RPS6KC1: variants seen among roughly 807,000 people sequenced by gnomAD.
RPS6KC1 encodes the protein inactive ribosomal protein S6 kinase delta-1.
RPS6KC1 carries 54 observed loss-of-function variants against 103.8 expected under a neutral mutation model. The ratio of observed to expected loss-of-function variants is 0.52; its 90% CI spans 0.42 to 0.65. The LOEUF (loss-of-function observed/expected upper bound fraction) is 0.65. Ranked by LOEUF, RPS6KC1 falls within the 30% of genes least tolerant of loss-of-function variation. The pLI, the probability that RPS6KC1 is intolerant of heterozygous loss-of-function variation, is 0.00. For synonymous variants in RPS6KC1, 439 were observed against 438.7 expected (o/e 1.00, Z -0.01); for missense variants, 1,151 against 1,253.8 (o/e 0.92, Z 1.24).
chr1:213,449,217 G>A, the RPS6KC1 span, among the ~76,000 whole-genome samples: 3 of 144,568 alleles, frequency 2.1e-5, no homozygotes, highest in South Asian at 5.1e-4. Context: ...TCTGGGACCC[G>A]CCCCACCAAG....
the RPS6KC1 span, among the ~76,000 whole-genome samples, chr1:213,462,457 A>G: frequency 6.6e-6 from 1 of 152,228 alleles, no homozygotes; most frequent in Non-Finnish European, 1.5e-5. Context: ...ATGCACACGT[A>G]TGTTTATTGC....
chr1:213,195,378 CAATG>C (rs769504642), intron 8 of RPS6KC1, among the ~76,000 whole-genome samples: 3 of 152,142 alleles, frequency 2.0e-5, no homozygotes, highest in Non-Finnish European at 2.9e-5. Context: ...ATTTTCTGTA[CAATG>C]TTTGCAACTT....
At chr1:213,696,594 A>G in the RPS6KC1 span, among the ~76,000 whole-genome samples, 27 of 152,028 alleles carry the variant, frequency 1.8e-4, no homozygotes, top group Middle Eastern at 3.2e-3. Context: ...GAAAGTGTCC[A>G]GTCTGTGACT....
At chr1:213,852,309 C>T in the RPS6KC1 span, among the ~76,000 whole-genome samples, 2 of 152,226 alleles carry the variant, frequency 1.3e-5, no homozygotes, top group Admixed American at 1.3e-4. Flanking sequence ...GTGTTCTTGT[C>T]GCAGAAAATT....
chr1:213,672,077 C>T, the RPS6KC1 span, among the ~76,000 whole-genome samples: 1 of 152,132 alleles, frequency 6.6e-6, no homozygotes, highest in Non-Finnish European at 1.5e-5. Flanking sequence ...ATAGGTTGTT[C>T]CTTCTCTTCC....
intron 8 of RPS6KC1, among the ~76,000 whole-genome samples, chr1:213,187,526 A>C (rs1052446175): frequency 1.4e-4 from 22 of 152,050 alleles, no homozygotes; most frequent in African/African-American, 4.8e-4. Context: ...AATTATAGGC[A>C]TGAGCCACTG....
chr1:213,068,720 A>C lies in RPS6KC1; in HGVS notation c.106-2286A>C, dbSNP rs116698921. ...TAACCACATGTAGCTATTTTGATTT[A>C]AATTTAAATTAAGGCTTACAGTGGT... On this transcript the variant is annotated intron_variant, in intron 1 of 14. Coordinates refer to ENST00000366960, the MANE Select transcript of RPS6KC1 (RefSeq NM_012424.6). 3.6e-3 allele frequency among the ~76,000 whole-genome samples: 551 copies of C among 151,918 alleles called. 5 individuals carry two copies. The highest frequency in any genetic ancestry group is 0.012 in the African/African-American group (492 of 41,444).
chr1:213,464,955 T>C, the RPS6KC1 span, among the ~76,000 whole-genome samples: 1 of 152,082 alleles, frequency 6.6e-6, no homozygotes, highest in African/African-American at 2.4e-5. Context: ...AGTCCTTCTT[T>C]AGGCATTGCC....
the RPS6KC1 span, among the ~76,000 whole-genome samples, chr1:213,491,912 T>C: frequency 2.0e-5 from 3 of 151,976 alleles, no homozygotes; most frequent in Admixed American, 1.3e-4. Context: ...AGGGGGAAGG[T>C]GTTAAATGGA....
At chr1:213,532,075 A>G in the RPS6KC1 span, among the ~76,000 whole-genome samples, 119,361 of 152,122 alleles carry the variant, frequency 0.78, 47,980 homozygotes, top group East Asian at 0.98. Flanking sequence ...TGCCAGGGCT[A>G]GCAGCGCTTA....
chr1:213,671,087 G>A, the RPS6KC1 span, among the ~76,000 whole-genome samples: 8,713 of 152,210 alleles, frequency 0.057, 329 homozygotes, highest in African/African-American at 0.11. Context: ...CACAGCACTC[G>A]GTTCCAACCA....
the RPS6KC1 span, among the ~76,000 whole-genome samples, chr1:213,299,570 A>AT: frequency 5.1e-3 from 774 of 151,174 alleles, 5 homozygotes; most frequent in African/African-American, 0.018. Flanking sequence ...AAAAAAAAAA[A>AT]ATATGTCGTG....
At chr1:213,532,456 G>T in the RPS6KC1 span, among the ~76,000 whole-genome samples, 1 of 152,172 alleles carries the variant, frequency 6.6e-6, no homozygotes, top group Admixed American at 6.5e-5. Context: ...GACTTTCAGG[G>T]CCTTAAAAGT....
the RPS6KC1 span, among the ~76,000 whole-genome samples, chr1:213,545,958 G>A: frequency 2.0e-4 from 31 of 152,162 alleles, no homozygotes; most frequent in South Asian, 8.3e-4. Context: ...ATTCAGGAGC[G>A]TTGTAAATGT....
At chr1:213,782,905 G>A in the RPS6KC1 span, among the ~76,000 whole-genome samples, 693 of 152,314 alleles carry the variant, frequency 4.5e-3, 5 homozygotes, top group African/African-American at 0.016. Flanking sequence ...AGTGAAGTTG[G>A]AGGAATAAAT....
At chr1:213,367,078 C>T in the RPS6KC1 span, among the ~76,000 whole-genome samples, 23 of 152,208 alleles carry the variant, frequency 1.5e-4, no homozygotes, top group African/African-American at 5.5e-4. Context: ...TCAGGTTGCT[C>T]TCCTCTGCAC....
chr1:213,351,796 T>A, the RPS6KC1 span, among the ~76,000 whole-genome samples: 50 of 152,226 alleles, frequency 3.3e-4, no homozygotes, highest in Middle Eastern at 3.4e-3. Flanking sequence ...CTCTTTTATT[T>A]TGGGAGGTGG....
the RPS6KC1 span, among the ~76,000 whole-genome samples, chr1:213,457,565 C>A: frequency 1.3e-5 from 2 of 152,210 alleles, no homozygotes; most frequent in Non-Finnish European, 2.9e-5. Context: ...CTGCAACTGA[C>A]CATCTAGTTC....
intron 8 of RPS6KC1, among the ~76,000 whole-genome samples, chr1:213,179,668 GCTAT>G (rs1402866450): frequency 2.0e-5 from 3 of 152,092 alleles, no homozygotes; most frequent in Non-Finnish European, 4.4e-5. Context: ...TATTTTGAGT[GCTAT>G]CTATTAACCT....
Sources: gnomAD v4.1 joint callset for allele counts (sites outside exome capture counted in the v4.1 genomes callset) on GRCh38, gnomAD v4.1.1 for gene constraint, MANE v1.5 for transcripts, NCBI Gene and HGNC (gene_info 2026-07-23, HGNC 2026-07-21) for gene names.